DOCK8: variants seen among roughly 807,000 people sequenced by gnomAD.
DOCK8 encodes the protein dedicator of cytokinesis protein 8.
A neutral mutation model predicts 245.6 loss-of-function variants in DOCK8; 141 were observed. That is an observed-to-expected ratio of 0.57 (90% CI 0.50 to 0.66). The LOEUF (loss-of-function observed/expected upper bound fraction) is 0.66, where lower values mean the gene tolerates loss of function less well. Among genes scored for constraint, DOCK8 ranks in the 30% least tolerant of loss-of-function variants. The probability of loss-of-function intolerance (pLI) is 0.00; values close to 1 mark genes in which losing one functional copy is unlikely to be tolerated. For missense variants in DOCK8, 2,965 were observed against 2,603.4 expected (o/e 1.14, Z -3.02); for synonymous variants, 1,168 against 970.2 (o/e 1.20, Z -3.79).
intron 14 of DOCK8, among the ~76,000 whole-genome samples, chr9:343,238 A>AAAG (rs1278201881): frequency 1.3e-5 from 2 of 152,300 alleles, no homozygotes; most frequent in East Asian, 3.9e-4. Context: ...AGTGGCTCAC[A>AAAG]CTGTAACCCC....
At chr9:240,595 A>T (rs1476839988) in intron 1 of DOCK8, among the ~76,000 whole-genome samples, 1 of 152,148 alleles carries the variant, frequency 6.6e-6, no homozygotes, top group East Asian at 1.9e-4. Flanking sequence ...ATTTCTTTTT[A>T]TTGCCAGAGC....
At position 304,808 on chromosome 9, in the gene DOCK8, T is replaced by G. The variant is rs1048584861; in HGVS notation, c.528+104T>G. 315 of 1,529,522 alleles carry G rather than the reference T, an allele frequency of 2.1e-4. 3 individuals are homozygous for G. The highest frequency in any genetic ancestry group is 6.8e-5 in the Admixed American group (4 of 58,434). 94.7% of individuals were successfully genotyped at this position (1,529,522 alleles called of 1,614,324 possible). A position where few individuals can be genotyped will look rare whatever the true frequency, so the allele number is the denominator to read the frequency against. On this transcript the variant is annotated intron_variant, in intron 5 of 47. Coordinates refer to ENST00000432829, the MANE Select transcript of DOCK8 (RefSeq NM_203447.4). ...AATAAACGATAGACGCATAGAAAGT[T>G]TGAGTAGGAGGAACTTTACCATCTG... is the stretch of plus-strand genomic sequence containing the variant.
chr9:460,512 G>T (rs1361339775), intron 46 of DOCK8: 1 of 152,080 alleles, frequency 6.6e-6, no homozygotes, highest in African/African-American at 2.4e-5. Context: ...AAATAATAAG[G>T]GGTGATATAG....
chr9:283,656 G>T (rs189616464), intron 2 of DOCK8, among the ~76,000 whole-genome samples: 11 of 152,198 alleles, frequency 7.2e-5, no homozygotes, highest in African/African-American at 2.6e-4. Context: ...CTGTCTTTCT[G>T]TTTCTGAGTT....
At chr9:336,766 T>A (rs771715317) in intron 12 of DOCK8, 48 bp downstream of exon 12, 14 of 1,612,282 alleles carry the variant, frequency 8.7e-6, no homozygotes, top group Non-Finnish European at 1.0e-5. Flanking sequence ...CATACTGGCA[T>A]GGGCACTGGA....
At chr9:446,686 A>C in intron 44 of DOCK8, 80 bp downstream of exon 44, 1 of 1,254,760 alleles carries the variant, frequency 8.0e-7, no homozygotes, top group South Asian at 1.2e-5. Flanking sequence ...CCTCTTTCAC[A>C]GTGGATTGGA....
At chr9:304,534 C>CTCTCTCTCCCTCTT in intron 4 of DOCK8, 47 bp from the exon 5 acceptor site, 3 of 1,612,326 alleles carry the variant, frequency 1.9e-6, no homozygotes, top group Non-Finnish European at 2.5e-6. Context: ...TGGTTTGCCG[C>CTCTCTCTCCCTCTT]TCTCTCTCCC....
chr9:354,321 T>C (rs1376990357), intron 14 of DOCK8, among the ~76,000 whole-genome samples: 1 of 152,172 alleles, frequency 6.6e-6, no homozygotes, highest in Non-Finnish European at 1.5e-5. Context: ...AGAATATTTT[T>C]GTGTGGGGAG....
rs549962619 is a variant in DOCK8, at chr9:440,053, C to G, written c.5223+665C>G. Among the ~76,000 whole-genome samples, 34 of 152,248 alleles carry G rather than the reference C, an allele frequency of 2.2e-4. No individual in the cohort carries two copies. In the South Asian group the frequency reaches 6.8e-3, roughly 31 times the overall value. On this transcript the variant is annotated intron_variant, in intron 40 of 47. Coordinates refer to ENST00000432829, the MANE Select transcript of DOCK8 (RefSeq NM_203447.4). ...TCTTTTTTTGAGACAGAGTCTAGCT[C>G]TGTCGCCCAGGCTGGAATGCAGTGG...
At chr9:424,831 G>A (rs1008730444) in intron 33 of DOCK8, among the ~76,000 whole-genome samples, 1 of 152,274 alleles carries the variant, frequency 6.6e-6, no homozygotes, top group East Asian at 1.9e-4. Context: ...TATGTTAGGT[G>A]TACTTTATCA....
intron 1 of DOCK8, among the ~76,000 whole-genome samples, chr9:232,993 T>G (rs910002439): frequency 6.6e-6 from 1 of 152,164 alleles, no homozygotes; most frequent in Non-Finnish European, 1.5e-5. Flanking sequence ...GATGTTAGGG[T>G]GTCAATTTTG....
intron 8 of DOCK8, among the ~76,000 whole-genome samples, chr9:327,687 A>G (rs1403071117): frequency 2.0e-5 from 3 of 152,192 alleles, no homozygotes; most frequent in Non-Finnish European, 2.9e-5. Flanking sequence ...GTGAACCACC[A>G]CACCCAGTCC....
chr9:290,918 A>C (rs1387414176), intron 4 of DOCK8, among the ~76,000 whole-genome samples: 1 of 152,208 alleles, frequency 6.6e-6, no homozygotes, highest in East Asian at 1.9e-4. Flanking sequence ...ATATGCACAC[A>C]TTTTCAGCAG....
At chr9:429,887 T>TC (rs763118478) in intron 36 of DOCK8, 33 bp downstream of exon 36, 8 of 1,612,060 alleles carry the variant, frequency 5.0e-6, no homozygotes, top group Non-Finnish European at 5.1e-6. Flanking sequence ...TGACCTGGAA[T>TC]CAGTAGAGAA....
At chr9:255,431 G>A (rs1369950693) in intron 1 of DOCK8, among the ~76,000 whole-genome samples, 1 of 152,136 alleles carries the variant, frequency 6.6e-6, no homozygotes, top group Non-Finnish European at 1.5e-5. Flanking sequence ...ACTTTGGGAG[G>A]CCAAGGCGGG....
intron 5 of DOCK8, among the ~76,000 whole-genome samples, chr9:308,886 T>TGACCTCATGATCCCCC (rs2049970657): frequency 6.6e-6 from 1 of 152,218 alleles, no homozygotes; most frequent in Non-Finnish European, 1.5e-5. Flanking sequence ...CTTGATCTCC[T>TGACCTCATGATCCCCC]GACCTCATGA....
intron 5 of DOCK8, among the ~76,000 whole-genome samples, chr9:307,617 C>G (rs1245469846): frequency 6.6e-6 from 1 of 152,008 alleles, no homozygotes; most frequent in African/African-American, 2.4e-5. Flanking sequence ...CTTGGCCTCC[C>G]AAAGTGCTGG....
At chr9:214,391 T>TGATGGGC (rs1174045486), upstream of DOCK8, 186 of 856,188 alleles carry the variant, frequency 2.2e-4, 2 homozygotes, top group East Asian at 3.8e-4. Flanking sequence ...TCAGGAAGGA[T>TGATGGGC]GATGGGCATA....
intron 2 of DOCK8, among the ~76,000 whole-genome samples, chr9:279,729 G>A (rs1339428142): frequency 6.6e-6 from 1 of 152,216 alleles, no homozygotes; most frequent in Non-Finnish European, 1.5e-5. Context: ...CTTGTCTGTT[G>A]TGAACAGCCA....
Sources: gnomAD v4.1 joint callset for allele counts (sites outside exome capture counted in the v4.1 genomes callset) on GRCh38, gnomAD v4.1.1 for gene constraint, MANE v1.5 for transcripts, NCBI Gene and HGNC (gene_info 2026-07-23, HGNC 2026-07-21) for gene names.